MYLK3: variants seen among roughly 807,000 people sequenced by gnomAD.
MYLK3 encodes the protein myosin light chain kinase 3.
Under a neutral mutation model 76.3 loss-of-function variants are expected in MYLK3, and 55 were observed. The observed-to-expected ratio is 0.72, with a 90% confidence interval of 0.58 to 0.90. MYLK3 has a LOEUF of 0.90. MYLK3 is among the 40% of genes least tolerant of loss of function. The probability of loss-of-function intolerance (pLI) is 0.00; values close to 1 mark genes in which losing one functional copy is unlikely to be tolerated. For synonymous variants in MYLK3, 416 were observed against 425.4 expected, an observed-to-expected ratio of 0.98 and a Z score of 0.27; for missense variants, 973 against 1,053.6, an observed-to-expected ratio of 0.92 and a Z score of 1.06.
At chr16:46,754,851 G>A (rs1967176553) in intron 1 of MYLK3, among the ~76,000 whole-genome samples, 1 of 151,888 alleles carries the variant, frequency 6.6e-6, no homozygotes, top group Non-Finnish European at 1.5e-5. Context: ...ACCACCATCA[G>A]AGAACAAAAT....
At position 46,732,230 on chromosome 16, in the gene MYLK3, G is replaced by T. The variant is rs185685653; in HGVS notation, c.1440C>A (p.Ala480=). ...TACCCAGAACCACGCTGCCAGCCTC[G>T]GCGCCTGGGGGCATCCTCCTTACTG... ...AEAVRRMPPG[A]EAGSVVLDDS... is the part of the protein sequence containing the mutation. The change falls in exon 4 of 13, where the codon GCC becomes GCA. Residue 480 remains alanine (A), a synonymous_variant. Transcript: ENST00000394809. The T allele has an allele frequency of 6.3e-7, 1 of 1,590,060 alleles. No homozygotes were observed. The highest frequency in any genetic ancestry group is 1.3e-5 in the African/African-American group (1 of 74,606).
chr16:46,732,465 G>C lies in MYLK3; in HGVS notation c.1205C>G (p.Pro402Arg), dbSNP rs761650400. The stretch of plus-strand genomic sequence containing the variant: ...CCCGGGGCTGCTGCTCTCCTGCAGC[G>C]GGGAGAGCTCTCTGGCTCCTTCAGG... ...QTPEGARELS[P>R]LQESSSPGGV... The change falls in exon 4 of 13, where the codon CCG becomes CGG. Residue 402 changes from proline (P) to arginine (R), a missense_variant. Transcript: ENST00000394809. The C allele has an allele frequency of 1.2e-6, 2 of 1,611,366 alleles. No individual in the cohort carries two copies. Among genetic ancestry groups the C allele is most frequent in the Non-Finnish European group, 8.5e-7 (1 of 1,179,982 alleles).
In MYLK3 at chr16:46,704,074, G is replaced by A. The variant is rs904512660; in HGVS notation, c.*3630C>T. ...TACGTCTGATGAAAACCTAGCATCT[G>A]AATTGACAGGTTTTTTTTTGTTTTG... On this transcript the variant is annotated 3_prime_UTR_variant, in exon 13 of 13. Transcript: ENST00000394809. 6.6e-6 allele frequency: 1 copy of A among 152,264 alleles called. No homozygotes were observed. Among genetic ancestry groups the A allele is most frequent in the African/African-American group, 2.4e-5 (1 of 41,418 alleles). The allele number at this position is 152,264 out of a possible 1,614,324, so 9.4% of individuals were successfully genotyped here.
intron 5 of MYLK3, 93 bp from the exon 6 acceptor site, chr16:46,729,780 G>A: frequency 9.2e-7 from 1 of 1,092,012 alleles, no homozygotes; most frequent in Non-Finnish European, 1.4e-6. Context: ...CCACACACAG[G>A]CCATGTGGAC....
In MYLK3 at chr16:46,707,704, T is replaced by C; in HGVS notation, c.2460A>G (p.Ter820=). ...CCCATTGGAGCAGCAGAGTTGAAGATTAGGGAGAAGTTGGAAATTTCCTTA... is the reference window on the plus strand; with the variant it reads ...CCCATTGGAGCAGCAGAGTTGAAGACTAGGGAGAAGTTGGAAATTTCCTTA... ...NRLRKFPTSP[*] is the part of the protein sequence containing the mutation. The change falls in exon 13 of 13, where the codon TAA becomes TAG. Residue 820 remains the stop codon, a stop_retained_variant. Coordinates refer to ENST00000394809, the MANE Select transcript of MYLK3 (RefSeq NM_182493.3). 6.2e-7 allele frequency: 1 copy of C among 1,607,720 alleles called. No individual in the cohort carries two copies. The highest frequency in any genetic ancestry group is 8.5e-7 in the Non-Finnish European group (1 of 1,174,278).
At chr16:46,741,585 GC>G (rs1262182502) in intron 1 of MYLK3, among the ~76,000 whole-genome samples, 1 of 152,158 alleles carries the variant, frequency 6.6e-6, no homozygotes, top group Non-Finnish European at 1.5e-5. Context: ...GCCTTGCTGG[GC>G]CCCCAGGCAT....
In MYLK3 at chr16:46,712,756, A is replaced by G; in HGVS notation, c.2006T>C (p.Leu669Pro). 2 of 1,600,812 alleles carry G rather than the reference A, an allele frequency of 1.2e-6. No individual in the cohort carries two copies. Among genetic ancestry groups the G allele is most frequent in the Non-Finnish European group, 1.7e-6 (2 of 1,173,558 alleles). ...LARRYKPREK[L>P]KVNFGTPEFL... ...CTCAGGAGTGCCGAAGTTCACCTTCAGCTTCTCTCGAGGCTTGTACCTGGG... is the reference window on the plus strand; with the variant it reads ...CTCAGGAGTGCCGAAGTTCACCTTCGGCTTCTCTCGAGGCTTGTACCTGGG... The change falls in exon 10 of 13, where the codon CTG (leucine) becomes CCG (proline). Residue 669 changes from leucine to proline, a missense_variant. Around this residue, in one of 2 missense-constraint regions of MYLK3, gnomAD observed 332 missense variants for 416.6 expected, o/e 0.80. Transcript: ENST00000394809.
At chr16:46,710,137 C>T (rs1217344846) in intron 11 of MYLK3, among the ~76,000 whole-genome samples, 1 of 152,172 alleles carries the variant, frequency 6.6e-6, no homozygotes, top group Non-Finnish European at 1.5e-5. Context: ...CAGGGAAATA[C>T]AAGCTGTCTT....
At chr16:46,752,189 G>A (rs569581858), upstream of MYLK3, among the ~76,000 whole-genome samples, 1 of 152,184 alleles carries the variant, frequency 6.6e-6, no homozygotes, top group South Asian at 2.1e-4. Flanking sequence ...TGACCTAACA[G>A]TCTCGGGGAT....
At chr16:46,757,189 A>G (rs1328065017) in intron 1 of MYLK3, among the ~76,000 whole-genome samples, 2 of 108,450 alleles carry the variant, frequency 1.8e-5, no homozygotes, top group Non-Finnish European at 4.0e-5. Context: ...GGACAACTTC[A>G]GGGGTAGCTG....
intron 1 of MYLK3, among the ~76,000 whole-genome samples, chr16:46,742,239 T>A (rs1966943120): frequency 6.9e-6 from 1 of 144,544 alleles, no homozygotes; most frequent in African/African-American, 2.5e-5. Flanking sequence ...AAAAAAAAAA[T>A]CTAAGTTCCC....
intron 9 of MYLK3, among the ~76,000 whole-genome samples, chr16:46,715,077 C>T (rs558282327): frequency 1.3e-5 from 2 of 152,270 alleles, no homozygotes; most frequent in African/African-American, 2.4e-5. Context: ...CATAGAGACA[C>T]GATGGGCAGA....
chr16:46,755,165 C>T (rs1186161163), intron 1 of MYLK3, among the ~76,000 whole-genome samples: 1 of 152,080 alleles, frequency 6.6e-6, no homozygotes, highest in Non-Finnish European at 1.5e-5. Flanking sequence ...TACCAAAGTG[C>T]TGGGATTATA....
intron 1 of MYLK3, among the ~76,000 whole-genome samples, chr16:46,759,930 C>A (rs1292114582): frequency 2.0e-5 from 3 of 152,378 alleles, no homozygotes; most frequent in Non-Finnish European, 4.4e-5. Context: ...CCACGCCCAG[C>A]CCCTTTTCCA....
intron 7 of MYLK3, among the ~76,000 whole-genome samples, chr16:46,728,278 C>T (rs1425837030): frequency 1.3e-5 from 2 of 152,174 alleles, no homozygotes; most frequent in African/African-American, 4.8e-5. Flanking sequence ...TGTATACAAA[C>T]AGCAACCCCT....
intron 5 of MYLK3, 97 bp from the exon 6 acceptor site, chr16:46,729,784 T>G: frequency 2.9e-6 from 3 of 1,043,918 alleles, no homozygotes; most frequent in Non-Finnish European, 4.4e-6. Context: ...ACACAGGCCA[T>G]GTGGACCATC....
upstream of MYLK3, among the ~76,000 whole-genome samples, chr16:46,749,751 A>C (rs909776614): frequency 9.2e-5 from 14 of 152,212 alleles, no homozygotes; most frequent in Admixed American, 2.6e-4. Context: ...AAATAAATAC[A>C]CGAAAGCACC....
chr16:46,744,601 C>CA (rs1359748224), intron 1 of MYLK3, among the ~76,000 whole-genome samples: 2 of 152,118 alleles, frequency 1.3e-5, no homozygotes, highest in African/African-American at 4.8e-5. Flanking sequence ...CTCGGCCTCC[C>CA]AAAGTGCTGG....
At chr16:46,727,857 C>G (rs1277532806) in intron 7 of MYLK3, among the ~76,000 whole-genome samples, 1 of 152,146 alleles carries the variant, frequency 6.6e-6, no homozygotes, top group Admixed American at 6.5e-5. Flanking sequence ...GACCTTTGCT[C>G]CAGTCTGCTC....
Sources: gnomAD v4.1 joint callset for allele counts (sites outside exome capture counted in the v4.1 genomes callset) on GRCh38, gnomAD v4.1.1 for gene constraint, gnomAD v4.1.1 regional missense constraint, MANE v1.5 for transcripts, NCBI Gene and HGNC (gene_info 2026-07-23, HGNC 2026-07-21) for gene names.